Variants in ZBTB7C observed in about 807,000 individuals in gnomAD.
ZBTB7C encodes the protein zinc finger and BTB domain-containing protein 7C.
A neutral mutation model predicts 25.7 loss-of-function variants in ZBTB7C; 8 were observed. The ratio of observed to expected loss-of-function variants is 0.31; its 90% CI spans 0.18 to 0.56. The LOEUF is 0.56. Ranked by LOEUF, ZBTB7C falls within the 20% of genes least tolerant of loss-of-function variation. ZBTB7C has a pLI of 0.91. For synonymous variants in ZBTB7C, 394 were observed against 369.0 expected (o/e 1.07, Z -0.78); for missense variants, 824 against 855.2 (o/e 0.96, Z 0.46).
chr18:48,265,436 G>C (rs564543945), intron 2 of ZBTB7C, among the ~76,000 whole-genome samples: 1 of 152,142 alleles, frequency 6.6e-6, no homozygotes. Flanking sequence ...GGTTCATCTC[G>C]GATTTTCGCT....
chr18:48,085,379 A>G (rs1433460058), intron 3 of ZBTB7C, among the ~76,000 whole-genome samples: 1 of 152,214 alleles, frequency 6.6e-6, no homozygotes, highest in Non-Finnish European at 1.5e-5. Flanking sequence ...TCTCCTCACT[A>G]GAGACGTTTG....
In ZBTB7C at chr18:48,294,101, G is replaced by A. The variant is rs556411396; in HGVS notation, c.-79+44073C>T. On this transcript the variant is annotated intron_variant, in intron 2 of 4. Coordinates refer to ENST00000590800, the MANE Select transcript of ZBTB7C (RefSeq NM_001318841.2). ...CCTGGGGAAGGGCAAGCAAGCTGCT[G>A]GCGTGGTTCAGCATGCACCTTCCCC... is the stretch of plus-strand genomic sequence containing the variant. Among the ~76,000 whole-genome samples, 26 of 152,354 alleles carry A rather than the reference G, an allele frequency of 1.7e-4. 1 individual carries two copies. Among genetic ancestry groups the A allele is most frequent in the African/African-American group, 6.0e-4 (25 of 41,588 alleles).
At chr18:48,315,441 A>T (rs2045926436) in intron 2 of ZBTB7C, among the ~76,000 whole-genome samples, 1 of 152,100 alleles carries the variant, frequency 6.6e-6, no homozygotes, top group South Asian at 2.1e-4. Context: ...TGTCCAAGGT[A>T]GTCAGTTTCT....
At chr18:48,162,509 C>A in intron 3 of ZBTB7C, 1 of 422,416 alleles carries the variant, frequency 2.4e-6, no homozygotes, top group South Asian at 1.6e-5. Flanking sequence ...TCTTCCCCCA[C>A]ATTTGGGGTT....
chr18:48,207,179 T>C (rs901016631), intron 2 of ZBTB7C, among the ~76,000 whole-genome samples: 15 of 152,212 alleles, frequency 9.9e-5, no homozygotes, highest in African/African-American at 3.6e-4. Context: ...CTGGTGAGGA[T>C]GTGTAACAAC....
intron 2 of ZBTB7C, among the ~76,000 whole-genome samples, chr18:48,198,281 C>A (rs116355311): frequency 0.018 from 2,786 of 152,222 alleles, 95 homozygotes; most frequent in African/African-American, 0.064. Context: ...AGTCCTAGAC[C>A]AAGTGCTCCG....
intron 2 of ZBTB7C, among the ~76,000 whole-genome samples, chr18:48,217,225 G>C (rs562160749): frequency 6.6e-6 from 1 of 152,110 alleles, no homozygotes; most frequent in East Asian, 1.9e-4. Context: ...GATTTGCTAC[G>C]GCAGCCTGAG....
chr18:48,278,499 G>A (rs530470816), intron 2 of ZBTB7C, among the ~76,000 whole-genome samples: 57 of 151,556 alleles, frequency 3.8e-4, no homozygotes, highest in African/African-American at 1.3e-3. Flanking sequence ...GCAATGGTGC[G>A]ATCTTGGCTC....
intron 3 of ZBTB7C, among the ~76,000 whole-genome samples, chr18:48,156,027 C>T (rs2040833076): frequency 6.6e-6 from 1 of 152,186 alleles, no homozygotes; most frequent in Admixed American, 6.5e-5. Flanking sequence ...TAATCTCCTC[C>T]ACAAGAGACC....
At chr18:48,376,871 C>T (rs2047531574) in intron 1 of ZBTB7C, among the ~76,000 whole-genome samples, 1 of 152,256 alleles carries the variant, frequency 6.6e-6, no homozygotes, top group African/African-American at 2.4e-5. Flanking sequence ...TCCTGCCCAA[C>T]AGGGCCTTCT....
chr18:48,317,470 C>T (rs2045977241), intron 2 of ZBTB7C, among the ~76,000 whole-genome samples: 1 of 152,136 alleles, frequency 6.6e-6, no homozygotes, highest in Admixed American at 6.5e-5. Context: ...CAGCCTCACC[C>T]CGATCTGATT....
At position 48,193,856 on chromosome 18, in the gene ZBTB7C, C is replaced by T. The variant is rs532555523; in HGVS notation, c.-78-7861G>A. The stretch of plus-strand genomic sequence containing the variant: ...GTGGGGGTGCCTCTGGGAAGCCCAG[C>T]AAGCATTTATGGAGGGTCAGCTGGG... On this transcript the variant is annotated intron_variant, in intron 2 of 4. Transcript: ENST00000590800. Among the ~76,000 whole-genome samples, 5 of 152,354 alleles carry T rather than the reference C, an allele frequency of 3.3e-5. No individual in the cohort carries two copies. The East Asian group carries it at 7.7e-4, about 24-fold the overall frequency.
At position 48,268,792 on chromosome 18, in the gene ZBTB7C, T is replaced by C. The variant is rs552629541; in HGVS notation, c.-79+69382A>G. On this transcript the variant is annotated intron_variant, in intron 2 of 4. Coordinates refer to ENST00000590800, the MANE Select transcript of ZBTB7C (RefSeq NM_001318841.2). ...ATGTAGATATATCTATCTATGCATC[T>C]ATATACATATGCATATTATACTAGT... 1.6e-4 allele frequency among the ~76,000 whole-genome samples: 25 copies of C among 152,290 alleles called. No homozygotes were observed. In the East Asian group the frequency reaches 4.8e-3, roughly 29 times the overall value.
Position 48,041,360 on chromosome 18 carries a change from G to A in ZBTB7C, c.-16-237C>T, listed in dbSNP as rs1333106514. The A allele has an allele frequency of 3.0e-6, 3 of 985,322 alleles. No homozygotes were observed. In the African/African-American group the frequency reaches 5.2e-5, roughly 17 times the overall value. 61.0% of individuals were successfully genotyped at this position (985,322 alleles called of 1,614,324 possible). A position where few individuals can be genotyped will look rare whatever the true frequency, so the allele number is the denominator to read the frequency against. The stretch of plus-strand genomic sequence containing the variant: ...GGATAGGCTTCTCACTGGGCAGCTG[G>A]TGTCAGCTACTCACCAAAGGCTGCA... On this transcript the variant is annotated intron_variant, in intron 3 of 4. Transcript: ENST00000590800.
At chr18:48,079,145 G>T (rs1429290740) in intron 3 of ZBTB7C, among the ~76,000 whole-genome samples, 1 of 152,174 alleles carries the variant, frequency 6.6e-6, no homozygotes, top group East Asian at 1.9e-4. Context: ...CAGTTTTACA[G>T]ATTGGTAAAC....
intron 3 of ZBTB7C, among the ~76,000 whole-genome samples, chr18:48,127,559 G>A (rs749461147): frequency 1.3e-4 from 20 of 152,354 alleles, no homozygotes; most frequent in African/African-American, 2.2e-4. Flanking sequence ...ATGAGGCATC[G>A]CCTTCGATGG....
intron 2 of ZBTB7C, among the ~76,000 whole-genome samples, chr18:48,250,085 A>C (rs1374706493): frequency 1.3e-5 from 2 of 152,192 alleles, no homozygotes; most frequent in Admixed American, 1.3e-4. Flanking sequence ...GACTTGACTC[A>C]GCCACCCTCT....
chr18:48,239,412 G>A (rs1273987248), intron 2 of ZBTB7C, among the ~76,000 whole-genome samples: 1 of 152,150 alleles, frequency 6.6e-6, no homozygotes, highest in Non-Finnish European at 1.5e-5. Flanking sequence ...ACCAGCATTC[G>A]AGAAAGCCAG....
At chr18:48,318,998 A>T (rs2046022368) in intron 2 of ZBTB7C, among the ~76,000 whole-genome samples, 1 of 152,232 alleles carries the variant, frequency 6.6e-6, no homozygotes. Flanking sequence ...AGAGATGGAC[A>T]GAGGGCTATG....
Sources: allele counts gnomAD v4.1 joint callset (sites outside exome capture counted in the v4.1 genomes callset), GRCh38; gene constraint gnomAD v4.1.1; transcripts MANE v1.5; gene names NCBI Gene and HGNC (gene_info 2026-07-23, HGNC 2026-07-21).